Variants in NUAK2 observed in about 807,000 individuals in gnomAD.
NUAK2 encodes NUAK family SNF1-like kinase 2.
NUAK2 carries 20 observed loss-of-function variants against 29.8 expected under a neutral mutation model. The ratio of observed to expected loss-of-function variants is 0.67; its 90% CI spans 0.47 to 0.98. The LOEUF is 0.98. Among genes scored for constraint, NUAK2 ranks in the 50% least tolerant of loss-of-function variants. The probability of loss-of-function intolerance (pLI) is 0.00; values close to 1 mark genes in which losing one functional copy is unlikely to be tolerated. For synonymous variants in NUAK2, 331 were observed against 342.6 expected, an observed-to-expected ratio of 0.97 and a Z score of 0.37; for missense variants, 719 against 834.5, an observed-to-expected ratio of 0.86 and a Z score of 1.71.
At chr1:205,305,170 G>T in intron 6 of NUAK2, 29 bp downstream of exon 6, 1 of 1,609,370 alleles carries the variant, frequency 6.2e-7, no homozygotes, top group Non-Finnish European at 8.5e-7. Context: ...CCCCAGGCCT[G>T]GATAAGAACG....
At chr1:205,312,880 C>G (rs2102255505) in intron 1 of NUAK2, among the ~76,000 whole-genome samples, 1 of 152,158 alleles carries the variant, frequency 6.6e-6, no homozygotes, top group Admixed American at 6.5e-5. Flanking sequence ...ATTATTCAAC[C>G]ATAAAAAGGA....
At chr1:205,321,181 G>A (rs1290240020) in intron 1 of NUAK2, among the ~76,000 whole-genome samples, 3 of 152,198 alleles carry the variant, frequency 2.0e-5, no homozygotes, top group Non-Finnish European at 4.4e-5. Flanking sequence ...GTACGGTGTT[G>A]CTGGCTGGGG....
Position 205,304,369 on chromosome 1 carries a change from G to C in NUAK2, c.968C>G (p.Pro323Arg). Residue 323 changes from proline (P) to arginine (R), a missense_variant, in exon 7 of 7, where the codon CCT becomes CGT. By Grantham distance (103) the Pro-to-Arg change is moderately radical (BLOSUM62 -2). Coordinates refer to ENST00000367157, the MANE Select transcript of NUAK2 (RefSeq NM_030952.3). The surrounding 1 kb of genome is among the most constrained non-coding windows in gnomAD (Gnocchi z 6.5). ...EQEAPHEGGH[P>R]GSDSARASMA... ...GGAGGCGCGGGCAGAGTCACTGCCA[G>C]GGTGCCCACCCTCATGCGGAGCCTC... 1.2e-6 allele frequency: 2 copies of C among 1,610,202 alleles called. No individual in the cohort carries two copies. The highest frequency in any genetic ancestry group is 1.7e-5 in the Admixed American group (1 of 59,810).
Position 205,313,042 on chromosome 1 carries a change from G to A in NUAK2, c.232-1217C>T, listed in dbSNP as rs960024552. Among the ~76,000 whole-genome samples, 35 of 152,164 alleles carry A rather than the reference G, an allele frequency of 2.3e-4. 1 individual carries two copies. The highest frequency in any genetic ancestry group is 8.4e-4 in the African/African-American group (35 of 41,426). The stretch of plus-strand genomic sequence containing the variant: ...TTCATAGGGACAGAAAGTATTAACA[G>A]AACGGTGGTTACCAGGGACTGGGGG... On this transcript the variant is annotated intron_variant, in intron 1 of 6. Coordinates refer to ENST00000367157, the MANE Select transcript of NUAK2 (RefSeq NM_030952.3).
rs376798957 is a variant in NUAK2, at chr1:205,308,215, G to A, written c.520C>T (p.Arg174Ter). 2.5e-6 allele frequency: 4 copies of A among 1,606,188 alleles called. No homozygotes were observed. The highest frequency in any genetic ancestry group is 3.4e-6 in the Non-Finnish European group (4 of 1,176,612). ...AGGATGTTCTCCAGCTTGAGATCTC[G>A]GTGGACAACTCTGTTCTGAAAGAAG... Reference protein sequence around the residue: ...HYCHQNRVVHRDLKLENILLD... With the variant: ...HYCHQNRVVH The change falls in exon 4 of 7, where the codon CGA becomes TGA. Residue 174 changes from arginine to a stop codon, truncating the protein, a stop_gained. Coordinates refer to ENST00000367157, the MANE Select transcript of NUAK2 (RefSeq NM_030952.3). LOFTEE classifies it high-confidence loss of function. The surrounding 1 kb of genome is among the most constrained non-coding windows in gnomAD (Gnocchi z 4.1).
chr1:205,318,462 C>T (rs1662359444), intron 1 of NUAK2, among the ~76,000 whole-genome samples: 1 of 152,258 alleles, frequency 6.6e-6, no homozygotes, highest in African/African-American at 2.4e-5. Flanking sequence ...CACTTCCCCT[C>T]TTCGGGCCTC....
intron 1 of NUAK2, among the ~76,000 whole-genome samples, chr1:205,320,815 T>C (rs991676386): frequency 6.6e-6 from 1 of 152,122 alleles, no homozygotes; most frequent in Non-Finnish European, 1.5e-5. Flanking sequence ...GGACCTGGTT[T>C]CACATTTTCC....
chr1:205,314,341 G>A (rs1163164940), intron 1 of NUAK2, among the ~76,000 whole-genome samples: 1 of 152,240 alleles, frequency 6.6e-6, no homozygotes, highest in Non-Finnish European at 1.5e-5. Flanking sequence ...CCAAGATGCT[G>A]AAGAGGCCCA....
At chr1:205,305,965 C>T (rs982086936) in intron 5 of NUAK2, among the ~76,000 whole-genome samples, 8 of 152,238 alleles carry the variant, frequency 5.3e-5, no homozygotes, top group African/African-American at 1.2e-4. Flanking sequence ...CCACCCACCT[C>T]GGCCTCCCAA....
intron 1 of NUAK2, among the ~76,000 whole-genome samples, chr1:205,319,229 T>C (rs780476619): frequency 1.6e-4 from 25 of 152,220 alleles, no homozygotes; most frequent in Admixed American, 2.6e-4. Context: ...GGGTGGTCTA[T>C]GGATCAGGGA....
In NUAK2 at chr1:205,318,207, A is replaced by C. The variant is rs922025779; in HGVS notation, c.231+3191T>G. 4.6e-5 allele frequency among the ~76,000 whole-genome samples: 7 copies of C among 152,140 alleles called. 1 individual carries two copies. The East Asian group carries it at 1.3e-3, about 29-fold the overall frequency. On this transcript the variant is annotated intron_variant, in intron 1 of 6. Coordinates refer to ENST00000367157, the MANE Select transcript of NUAK2 (RefSeq NM_030952.3). ...GAAACCCAGGAATATAGTGTAGTTC[A>C]CCCACCCAGAATCCTTCAACACAGT...
chr1:205,314,371 G>A (rs1347528657), intron 1 of NUAK2, among the ~76,000 whole-genome samples: 1 of 152,236 alleles, frequency 6.6e-6, no homozygotes, highest in African/African-American at 2.4e-5. Context: ...TGCAGGGGAT[G>A]CGATGGGGCT....
chr1:205,320,357 T>C (rs1465450105), intron 1 of NUAK2, among the ~76,000 whole-genome samples: 1 of 152,272 alleles, frequency 6.6e-6, no homozygotes, highest in South Asian at 2.1e-4. Flanking sequence ...CTCCGCCTCC[T>C]GGGTTCAGGC....
intron 1 of NUAK2, among the ~76,000 whole-genome samples, chr1:205,312,166 A>G (rs1449928662): frequency 1.3e-5 from 2 of 152,242 alleles, no homozygotes; most frequent in Non-Finnish European, 2.9e-5. Flanking sequence ...CTGCACCATG[A>G]GGACAAGGAC....
In NUAK2 at chr1:205,303,805, G is replaced by A. The variant is rs775781067; in HGVS notation, c.1532C>T (p.Thr511Ile). The change falls in exon 7 of 7, where the codon ACA becomes ATA. Residue 511 changes from threonine (T) to isoleucine (I), a missense_variant. Coordinates refer to ENST00000367157, the MANE Select transcript of NUAK2 (RefSeq NM_030952.3). ...ILKLNGKFSQ[T>I]ALELAAPTTF... The stretch of plus-strand genomic sequence containing the variant: ...GGTGGGGGCCGCGAGCTCCAAGGCT[G>A]TCTGGGAGAACTTGCCATTGAGTTT... 5 of 1,590,926 alleles carry A rather than the reference G, an allele frequency of 3.1e-6. No individual in the cohort carries two copies. In the South Asian group the frequency reaches 5.7e-5, roughly 18 times the overall value.
Position 205,321,653 on chromosome 1 carries a change from G to T in NUAK2, c.-25C>A. 6.3e-7 allele frequency: 1 copy of T among 1,591,374 alleles called. No individual in the cohort carries two copies. Among genetic ancestry groups the T allele is most frequent in the Non-Finnish European group, 8.5e-7 (1 of 1,170,902 alleles). ...TGGCGAGCAGGAGGTGAGCAAGGGC[G>T]GCAGGGGAATCAGTAGGCTGTGCGG... On this transcript the variant is annotated 5_prime_UTR_variant, in exon 1 of 7. Coordinates refer to ENST00000367157, the MANE Select transcript of NUAK2 (RefSeq NM_030952.3).
In NUAK2 at chr1:205,303,440, C is replaced by G; in HGVS notation, c.*10G>C. 1 of 1,546,842 alleles carries G rather than the reference C, an allele frequency of 6.5e-7. No homozygotes were observed. Among genetic ancestry groups the G allele is most frequent in the Admixed American group, 2.0e-5 (1 of 50,606 alleles). ...AGAGCCTGACCGGGCTGGGGCAATG[C>G]CTACTCCACTCAGGTGAGCTTTGAG... On this transcript the variant is annotated 3_prime_UTR_variant, in exon 7 of 7. Coordinates refer to ENST00000367157, the MANE Select transcript of NUAK2 (RefSeq NM_030952.3).
chr1:205,310,897 G>A (rs1038212969), intron 2 of NUAK2, among the ~76,000 whole-genome samples: 11 of 152,106 alleles, frequency 7.2e-5, no homozygotes, highest in Non-Finnish European at 1.6e-4. Context: ...CTATGAACAC[G>A]ACCCAAGAGC....
At chr1:205,314,471 C>G (rs1448069228) in intron 1 of NUAK2, among the ~76,000 whole-genome samples, 1 of 152,200 alleles carries the variant, frequency 6.6e-6, no homozygotes, top group Non-Finnish European at 1.5e-5. Flanking sequence ...TGGAACTGGG[C>G]AGGGGGCCAG....
Sources: allele counts gnomAD v4.1 joint callset (sites outside exome capture counted in the v4.1 genomes callset), GRCh38; gene constraint gnomAD v4.1.1; non-coding constraint Gnocchi (gnomAD v3.1); transcripts MANE v1.5; gene names NCBI Gene and HGNC (gene_info 2026-07-23, HGNC 2026-07-21).